The following ST6GALNAC5 variants were observed in gnomAD, a reference collection of about 807,000 sequenced individuals.
ST6GALNAC5 encodes the protein alpha-N-acetylgalactosaminide alpha-2,6-sialyltransferase 5.
In ST6GALNAC5, 27 loss-of-function variants were observed where a neutral mutation model predicts 33.6. That is an observed-to-expected ratio of 0.80 (90% CI 0.59 to 1.11). The LOEUF (loss-of-function observed/expected upper bound fraction) is 1.11, where lower values mean the gene tolerates loss of function less well. Among genes scored for constraint, ST6GALNAC5 ranks in the 50% least tolerant of loss-of-function variants. The pLI is 0.00. For missense variants in ST6GALNAC5, 428 were observed against 454.0 expected, an observed-to-expected ratio of 0.94 and a Z score of 0.52; for synonymous variants, 194 against 171.2, an observed-to-expected ratio of 1.13 and a Z score of -1.04.
intron 2 of ST6GALNAC5, among the ~76,000 whole-genome samples, chr1:76,963,940 T>C (rs1311847207): frequency 6.6e-6 from 1 of 152,108 alleles, no homozygotes; most frequent in Non-Finnish European, 1.5e-5. Flanking sequence ...AAAAGAGATG[T>C]GCCCCCAGGA....
At chr1:76,939,005 G>A (rs909319967) in intron 2 of ST6GALNAC5, among the ~76,000 whole-genome samples, 5 of 152,078 alleles carry the variant, frequency 3.3e-5, no homozygotes, top group African/African-American at 1.2e-4. Flanking sequence ...AGAATTAAAT[G>A]TTTTCAATTT....
intron 2 of ST6GALNAC5, among the ~76,000 whole-genome samples, chr1:77,035,845 G>A (rs527542078): frequency 2.0e-5 from 3 of 152,270 alleles, no homozygotes; most frequent in Admixed American, 2.0e-4. Flanking sequence ...AAGTAGTTTA[G>A]CAGTTTTTCA....
rs60357939 is a variant in ST6GALNAC5, at chr1:76,974,773, C to CTTTTTTTTTTTTTTTTTTTTTTTT, written c.262-69428_262-69405dup. 2.3e-4 allele frequency among the ~76,000 whole-genome samples: 8 copies of CTTTTTTTTTTTTTTTTTTTTTTTT among 35,246 alleles called. 2 individuals carry two copies. Among genetic ancestry groups the CTTTTTTTTTTTTTTTTTTTTTTTT allele is most frequent in the African/African-American group, 5.2e-4 (4 of 7,656 alleles). 23.1% of individuals were successfully genotyped at this position (35,246 alleles called of 152,430 possible). A position where few individuals can be genotyped will look rare whatever the true frequency, so the allele number is the denominator to read the frequency against. On this transcript the variant is annotated intron_variant, in intron 2 of 4. Transcript: ENST00000477717. ...ATATCTGTAAGTTTTTTCTTTCTTT[C>CTTTTTTTTTTTTTTTTTTTTTTTT]TTTTTTTTTTTTTTTTTTTTTTTTT...
At chr1:77,012,968 A>G (rs1650694413) in intron 2 of ST6GALNAC5, among the ~76,000 whole-genome samples, 1 of 152,150 alleles carries the variant, frequency 6.6e-6, no homozygotes, top group South Asian at 2.1e-4. Flanking sequence ...AAGGGTTGGG[A>G]AAGTCAAGTG....
chr1:77,067,200 A>G lies in ST6GALNAC5; in HGVS notation c.*3994A>G, dbSNP rs188356896. Among the ~76,000 whole-genome samples, 324 of 152,336 alleles carry G rather than the reference A, an allele frequency of 2.1e-3. No homozygotes were observed. Among genetic ancestry groups the G allele is most frequent in the Non-Finnish European group, 4.1e-3 (276 of 68,034 alleles). On this transcript the variant is annotated 3_prime_UTR_variant, in exon 5 of 5. Coordinates refer to ENST00000477717, the MANE Select transcript of ST6GALNAC5 (RefSeq NM_030965.3). Reference sequence around the variant, plus strand: ...GAACCAATTGCCTAGGTGTTAGCACATGCCAGAAGGTACTTTGGAATGGAA... The same window carrying G: ...GAACCAATTGCCTAGGTGTTAGCACGTGCCAGAAGGTACTTTGGAATGGAA...
chr1:76,904,230 C>T (rs917352807), intron 2 of ST6GALNAC5, among the ~76,000 whole-genome samples: 16 of 152,088 alleles, frequency 1.1e-4, no homozygotes, highest in Admixed American at 5.2e-4. Flanking sequence ...CTACACATGT[C>T]TGCGAGGTCG....
At chr1:76,922,318 ATCTG>A (rs2100298464) in intron 2 of ST6GALNAC5, among the ~76,000 whole-genome samples, 1 of 152,260 alleles carries the variant, frequency 6.6e-6, no homozygotes, top group African/African-American at 2.4e-5. Flanking sequence ...AATGTACAGA[ATCTG>A]TCTGTGAAAA....
chr1:76,979,746 G>A (rs572814060), intron 2 of ST6GALNAC5, among the ~76,000 whole-genome samples: 10 of 152,262 alleles, frequency 6.6e-5, no homozygotes, highest in African/African-American at 1.7e-4. Context: ...GGCCAACATG[G>A]CAAAACCCCG....
At chr1:76,872,379 C>T (rs1399960392) in intron 2 of ST6GALNAC5, among the ~76,000 whole-genome samples, 1 of 152,134 alleles carries the variant, frequency 6.6e-6, no homozygotes, top group Non-Finnish European at 1.5e-5. Context: ...TCAATGGGGT[C>T]TACAGCTAAG....
chr1:76,999,850 A>G (rs1445348821), intron 2 of ST6GALNAC5, among the ~76,000 whole-genome samples: 4 of 136,136 alleles, frequency 2.9e-5, no homozygotes. Context: ...ATAGTATTCC[A>G]TGCTATATAT....
At chr1:77,061,439 G>A (rs1018784704) in intron 4 of ST6GALNAC5, among the ~76,000 whole-genome samples, 1 of 152,164 alleles carries the variant, frequency 6.6e-6, no homozygotes, top group Non-Finnish European at 1.5e-5. Context: ...TGAAGAAAAC[G>A]AATAGGTGTC....
At chr1:76,996,351 T>C (rs1487599518) in intron 2 of ST6GALNAC5, among the ~76,000 whole-genome samples, 2 of 152,344 alleles carry the variant, frequency 1.3e-5, no homozygotes, top group East Asian at 1.9e-4. Flanking sequence ...GTGCCTACTA[T>C]GCGCCAGACA....
chr1:76,979,954 G>A (rs1285975933), intron 2 of ST6GALNAC5, among the ~76,000 whole-genome samples: 2 of 152,040 alleles, frequency 1.3e-5, no homozygotes, highest in African/African-American at 4.8e-5. Context: ...AAAAAAGACT[G>A]TAATGTAAGA....
At chr1:76,952,002 C>G (rs1283604708) in intron 2 of ST6GALNAC5, among the ~76,000 whole-genome samples, 5 of 152,110 alleles carry the variant, frequency 3.3e-5, no homozygotes, top group Non-Finnish European at 5.9e-5. Context: ...AATCAAATAA[C>G]AGTTTTCAAA....
intron 2 of ST6GALNAC5, among the ~76,000 whole-genome samples, chr1:77,036,753 A>G (rs1399715762): frequency 1.3e-5 from 2 of 152,258 alleles, no homozygotes; most frequent in Non-Finnish European, 2.9e-5. Context: ...AACACCTTCT[A>G]TGTGCTGGGC....
chr1:76,969,686 A>C (rs11806993), intron 2 of ST6GALNAC5, among the ~76,000 whole-genome samples: 11 of 152,294 alleles, frequency 7.2e-5, no homozygotes, highest in African/African-American at 2.4e-4. Context: ...TTCTCCCAGC[A>C]TGGTGTTTGA....
At chr1:76,983,180 A>T (rs1271041455) in intron 2 of ST6GALNAC5, among the ~76,000 whole-genome samples, 1 of 152,212 alleles carries the variant, frequency 6.6e-6, no homozygotes, top group Non-Finnish European at 1.5e-5. Flanking sequence ...TTAAATGTAA[A>T]TGGGCTAAAT....
chr1:77,030,791 A>T (rs1481143004), intron 2 of ST6GALNAC5, among the ~76,000 whole-genome samples: 1 of 152,256 alleles, frequency 6.6e-6, no homozygotes, highest in African/African-American at 2.4e-5. Flanking sequence ...AAGTTTTCTA[A>T]ACCTTGAAAC....
At chr1:77,050,473 A>T in intron 4 of ST6GALNAC5, 108 bp downstream of exon 4, 2 of 984,548 alleles carry the variant, frequency 2.0e-6, no homozygotes, top group East Asian at 4.9e-5. Context: ...TTCTTGAAGC[A>T]ATTAATTAGC....
Sources: allele counts gnomAD v4.1 joint callset (sites outside exome capture counted in the v4.1 genomes callset), GRCh38; gene constraint gnomAD v4.1.1; transcripts MANE v1.5; gene names NCBI Gene and HGNC (gene_info 2026-07-23, HGNC 2026-07-21).